Variants in SORCS1 observed in about 807,000 individuals in gnomAD.
The protein encoded by SORCS1 is VPS10 domain-containing receptor SorCS1.
A neutral mutation model predicts 146.1 loss-of-function variants in SORCS1; 60 were observed. That is an observed-to-expected ratio of 0.41 (90% confidence interval 0.33 to 0.51). The LOEUF (loss-of-function observed/expected upper bound fraction) is 0.51, where lower values mean the gene tolerates loss of function less well. Ranked by LOEUF, SORCS1 falls within the 20% of genes least tolerant of loss-of-function variation. The pLI is 0.21. For missense variants in SORCS1, 1,352 were observed against 1,487.6 expected, an observed-to-expected ratio of 0.91 and a Z score of 1.50; for synonymous variants, 637 against 584.0, an observed-to-expected ratio of 1.09 and a Z score of -1.31.
chr10:106,839,651 C>T (rs1948936114), intron 2 of SORCS1, among the ~76,000 whole-genome samples: 1 of 152,144 alleles, frequency 6.6e-6, no homozygotes, highest in African/African-American at 2.4e-5. Context: ...GAAACAACAT[C>T]CAATCAAAAG....
chr10:106,809,326 G>C (rs958002143), intron 3 of SORCS1, among the ~76,000 whole-genome samples: 1 of 152,166 alleles, frequency 6.6e-6, no homozygotes, highest in Admixed American at 6.5e-5. Flanking sequence ...GAAGATGCCA[G>C]GGTTGGAGGA....
chr10:106,732,609 C>T (rs1005604077), intron 5 of SORCS1, among the ~76,000 whole-genome samples: 18 of 152,284 alleles, frequency 1.2e-4, no homozygotes, highest in African/African-American at 3.9e-4. Context: ...AAACGCAGTA[C>T]CCCAGAAACA....
chr10:107,012,684 G>C (rs1054970788), intron 1 of SORCS1, among the ~76,000 whole-genome samples: 1 of 152,144 alleles, frequency 6.6e-6, no homozygotes, highest in African/African-American at 2.4e-5. Context: ...GTGTCCACAT[G>C]TTCCACCACT....
intron 2 of SORCS1, 122 bp downstream of exon 2, chr10:106,956,389 AAG>A (rs1954943461): frequency 6.3e-6 from 5 of 792,032 alleles, no homozygotes; most frequent in African/African-American, 1.7e-5. Context: ...ACAGAGAAGA[AAG>A]AGAGAAAGCA....
chr10:106,709,956 A>T (rs1854851687), intron 6 of SORCS1, among the ~76,000 whole-genome samples: 3 of 152,154 alleles, frequency 2.0e-5, no homozygotes, highest in Admixed American at 2.0e-4. Context: ...CCAAATGAAA[A>T]TATTTTCAAA....
chr10:106,928,600 G>C (rs1211196057), intron 2 of SORCS1, among the ~76,000 whole-genome samples: 1 of 152,222 alleles, frequency 6.6e-6, no homozygotes, highest in Non-Finnish European at 1.5e-5. Context: ...AGCCCAGGCA[G>C]AGGCAGCGCT....
chr10:106,632,394 C>T (rs1046724760), intron 18 of SORCS1, among the ~76,000 whole-genome samples: 8 of 152,144 alleles, frequency 5.3e-5, no homozygotes, highest in East Asian at 1.9e-4. Flanking sequence ...AACAGCTTCA[C>T]GCTGGGGCTC....
At chr10:106,811,738 A>T (rs1430776860) in intron 3 of SORCS1, among the ~76,000 whole-genome samples, 3 of 152,224 alleles carry the variant, frequency 2.0e-5, no homozygotes, top group Admixed American at 2.0e-4. Flanking sequence ...AATTACTGTT[A>T]CTGCTTGCTT....
intron 1 of SORCS1, among the ~76,000 whole-genome samples, chr10:106,962,401 A>AAAAC (rs1367045950): frequency 1.0e-4 from 15 of 146,132 alleles, no homozygotes; most frequent in Non-Finnish European, 4.4e-5. Context: ...TCTCAAAAAA[A>AAAAC]AAAAAAAAAA....
intron 2 of SORCS1, among the ~76,000 whole-genome samples, chr10:106,923,400 C>T (rs10786983): frequency 0.56 from 84,694 of 152,034 alleles, 24,512 homozygotes; most frequent in South Asian, 0.65. Flanking sequence ...ATCCACTTAC[C>T]AAAGGACATC....
chr10:106,815,727 A>T lies in SORCS1; in HGVS notation c.726+13847T>A, dbSNP rs1331683404. Among the ~76,000 whole-genome samples the T allele has an allele frequency of 2.0e-5, 3 of 152,346 alleles. No homozygotes were observed. The East Asian group carries it at 5.8e-4, about 29-fold the overall frequency. On this transcript the variant is annotated intron_variant, in intron 3 of 25. Transcript: ENST00000263054. ...GCCCTCATACAAGTATAATCTTCACAAGTCTATAAAATTTCAAATAGTAAA... is the reference window on the plus strand; with the variant it reads ...GCCCTCATACAAGTATAATCTTCACTAGTCTATAAAATTTCAAATAGTAAA...
intron 1 of SORCS1, among the ~76,000 whole-genome samples, chr10:107,125,036 T>C: frequency 7.0e-6 from 1 of 142,880 alleles, no homozygotes; most frequent in East Asian, 2.3e-4. Flanking sequence ...CACTGCAACC[T>C]CTGCCTCCCA....
chr10:107,155,581 G>A (rs914858440), intron 1 of SORCS1, among the ~76,000 whole-genome samples: 1 of 152,210 alleles, frequency 6.6e-6, no homozygotes, highest in Non-Finnish European at 1.5e-5. Context: ...GGTGCTGAAT[G>A]TGCCCAAAAT....
intron 3 of SORCS1, among the ~76,000 whole-genome samples, chr10:106,795,738 T>C (rs950095076): frequency 8.5e-5 from 13 of 152,142 alleles, no homozygotes; most frequent in Admixed American, 6.5e-4. Flanking sequence ...TTGCTACAAC[T>C]CTAGAATTAA....
intron 2 of SORCS1, among the ~76,000 whole-genome samples, chr10:106,841,453 G>C (rs984690275): frequency 1.3e-5 from 2 of 150,330 alleles, no homozygotes; most frequent in African/African-American, 2.5e-5. Context: ...CTGGGCGACA[G>C]AGTGAGACTC....
chr10:106,928,742 G>A (rs1205608063), intron 2 of SORCS1, among the ~76,000 whole-genome samples: 1 of 152,098 alleles, frequency 6.6e-6, no homozygotes, highest in East Asian at 1.9e-4. Context: ...TATTCTCCCG[G>A]GAAGGGAGAA....
chr10:106,786,087 T>C (rs1296225159), intron 3 of SORCS1, among the ~76,000 whole-genome samples: 2 of 152,194 alleles, frequency 1.3e-5, no homozygotes, highest in African/African-American at 4.8e-5. Context: ...ATATTCTAGG[T>C]TTAATTCTAT....
chr10:106,976,692 C>T (rs1159222772), intron 1 of SORCS1, among the ~76,000 whole-genome samples: 2 of 152,134 alleles, frequency 1.3e-5, no homozygotes, highest in Non-Finnish European at 2.9e-5. Flanking sequence ...TCTCCTTCCC[C>T]TTGCCTCTCA....
chr10:106,906,574 G>C (rs184468674), intron 2 of SORCS1, among the ~76,000 whole-genome samples: 2 of 152,150 alleles, frequency 1.3e-5, no homozygotes, highest in Non-Finnish European at 2.9e-5. Context: ...GATCTCGCAA[G>C]ACTTATTCAC....
Sources: gnomAD v4.1 joint callset for allele counts (sites outside exome capture counted in the v4.1 genomes callset) on GRCh38, gnomAD v4.1.1 for gene constraint, MANE v1.5 for transcripts, NCBI Gene and HGNC (gene_info 2026-07-23, HGNC 2026-07-21) for gene names.